Variants in FKBP5 observed in about 807,000 individuals in gnomAD.
The protein encoded by FKBP5 is peptidyl-prolyl cis-trans isomerase FKBP5.
Under a neutral mutation model 50.5 loss-of-function variants are expected in FKBP5, and 23 were observed. That is an observed-to-expected ratio of 0.46 (90% confidence interval 0.33 to 0.65). FKBP5 has a LOEUF of 0.65. Ranked by LOEUF, FKBP5 falls within the 30% of genes least tolerant of loss-of-function variation. The pLI is 0.02. For synonymous variants in FKBP5, 176 were observed against 190.6 expected (o/e 0.92, Z 0.63); for missense variants, 411 against 553.1 (o/e 0.74, Z 2.58).
intron 2 of FKBP5, among the ~76,000 whole-genome samples, chr6:35,706,195 G>A (rs879433788): frequency 6.6e-6 from 1 of 152,020 alleles, no homozygotes; most frequent in Admixed American, 6.6e-5. Context: ...AGGCCGAGAC[G>A]GGCAGATCAC....
chr6:35,604,486 G>T (rs1033485849), intron 5 of FKBP5, among the ~76,000 whole-genome samples: 4 of 152,098 alleles, frequency 2.6e-5, no homozygotes, highest in African/African-American at 9.7e-5. Flanking sequence ...TCAAGAATTT[G>T]CTCCTATTCC....
intron 5 of FKBP5, among the ~76,000 whole-genome samples, chr6:35,610,748 T>A (rs2150972021): frequency 6.6e-6 from 1 of 152,164 alleles, no homozygotes; most frequent in South Asian, 2.1e-4. Flanking sequence ...GGAGAAAAAG[T>A]CACAGTCAGA....
chr6:35,601,694 C>T (rs936353525), intron 5 of FKBP5, among the ~76,000 whole-genome samples: 1 of 152,142 alleles, frequency 6.6e-6, no homozygotes, highest in Non-Finnish European at 1.5e-5. Context: ...TAATAACCAT[C>T]GTGACTCACT....
At chr6:35,697,526 A>G (rs1247745821) in intron 2 of FKBP5, among the ~76,000 whole-genome samples, 1 of 145,784 alleles carries the variant, frequency 6.9e-6, no homozygotes, top group East Asian at 2.0e-4. Flanking sequence ...CAGCCTGGGC[A>G]ACGAGAGTGA....
chr6:35,667,666 A>T (rs1362403103), intron 1 of FKBP5, among the ~76,000 whole-genome samples: 7 of 152,216 alleles, frequency 4.6e-5, no homozygotes, highest in Non-Finnish European at 1.0e-4. Flanking sequence ...GGATCACCTG[A>T]GGTCAAGAGT....
At chr6:35,715,819 T>A (rs1766502151) in intron 2 of FKBP5, among the ~76,000 whole-genome samples, 1 of 152,228 alleles carries the variant, frequency 6.6e-6, no homozygotes, top group Admixed American at 6.5e-5. Flanking sequence ...CAGATCATTC[T>A]GGCATCCATG....
intron 8 of FKBP5, chr6:35,584,773 A>C: frequency 3.0e-6 from 3 of 985,372 alleles, no homozygotes; most frequent in Non-Finnish European, 3.6e-6. Flanking sequence ...ATGTTTTGAA[A>C]AATTTTGCCT....
At chr6:35,585,114 C>T (rs1364809299) in intron 8 of FKBP5, 11 of 983,070 alleles carry the variant, frequency 1.1e-5, no homozygotes, top group Non-Finnish European at 1.3e-5. Context: ...TACACTGAAT[C>T]GATATAATTC....
At chr6:35,698,241 C>T (rs1181853752) in intron 2 of FKBP5, among the ~76,000 whole-genome samples, 1 of 152,164 alleles carries the variant, frequency 6.6e-6, no homozygotes, top group African/African-American at 2.4e-5. Flanking sequence ...ACTCGGGAGG[C>T]TGAGGCAGGA....
At chr6:35,676,982 C>G (rs1240806519) in intron 1 of FKBP5, among the ~76,000 whole-genome samples, 3 of 152,200 alleles carry the variant, frequency 2.0e-5, no homozygotes, top group African/African-American at 7.2e-5. Context: ...AGCTTTCTGA[C>G]AAACCAATTC....
intron 1 of FKBP5, among the ~76,000 whole-genome samples, chr6:35,645,303 C>G (rs552669182): frequency 6.6e-6 from 1 of 152,272 alleles, no homozygotes; most frequent in African/African-American, 2.4e-5. Flanking sequence ...GTGGCGTGCA[C>G]CTGTAGTCCC....
chr6:35,587,721 C>T (rs1014557943), intron 7 of FKBP5, among the ~76,000 whole-genome samples: 4 of 152,148 alleles, frequency 2.6e-5, no homozygotes, highest in Admixed American at 2.0e-4. Flanking sequence ...ACTTTAGAGC[C>T]ATAAATAAAT....
chr6:35,629,509 A>AAAACAAAC (rs60537217), intron 3 of FKBP5, among the ~76,000 whole-genome samples: 9 of 152,164 alleles, frequency 5.9e-5, no homozygotes, highest in African/African-American at 2.2e-4. Context: ...GCTTATAATT[A>AAAACAAAC]AAACAAACAA....
intron 8 of FKBP5, chr6:35,586,264 AC>A (rs1381352580): frequency 1.0e-6 from 1 of 985,054 alleles, no homozygotes; most frequent in Non-Finnish European, 1.2e-6. Context: ...AGAAAATATC[AC>A]ACTCCTAGTT....
chr6:35,601,633 CT>C (rs1763147818), intron 5 of FKBP5, among the ~76,000 whole-genome samples: 1 of 152,146 alleles, frequency 6.6e-6, no homozygotes, highest in Non-Finnish European at 1.5e-5. Context: ...CCTGTGGTTG[CT>C]TTTTGACCTG....
intron 1 of FKBP5, among the ~76,000 whole-genome samples, chr6:35,652,279 G>A (rs925474656): frequency 2.0e-5 from 3 of 152,148 alleles, no homozygotes; most frequent in African/African-American, 7.2e-5. Context: ...TATGAAATGT[G>A]GGCACCCTGA....
chr6:35,707,716 C>T (rs1036511907), intron 2 of FKBP5, among the ~76,000 whole-genome samples: 1 of 152,108 alleles, frequency 6.6e-6, no homozygotes, highest in African/African-American at 2.4e-5. Flanking sequence ...CACCCTCCAC[C>T]CTCAAGTAAG....
chr6:35,670,532 G>T (rs934484568), intron 1 of FKBP5, among the ~76,000 whole-genome samples: 3 of 151,650 alleles, frequency 2.0e-5, no homozygotes, highest in Non-Finnish European at 4.4e-5. Context: ...TTAGAAGTTC[G>T]CCCTGGCCAA....
At chr6:35,624,018 A>G (rs1763923432) in intron 3 of FKBP5, among the ~76,000 whole-genome samples, 1 of 151,838 alleles carries the variant, frequency 6.6e-6, no homozygotes, top group African/African-American at 2.4e-5. Flanking sequence ...TTCCTTTTTA[A>G]GAGACAGGGT....
Sources: allele counts gnomAD v4.1 joint callset (sites outside exome capture counted in the v4.1 genomes callset), GRCh38; gene constraint gnomAD v4.1.1; transcripts MANE v1.5; gene names NCBI Gene and HGNC (gene_info 2026-07-23, HGNC 2026-07-21).